The following SLX4IP variants were observed in gnomAD, a reference collection of about 807,000 sequenced individuals.
The protein encoded by SLX4IP is SLX4 interacting protein, also known as protein SLX4IP.
Under a neutral mutation model 32.9 loss-of-function variants are expected in SLX4IP, and 34 were observed. That is an observed-to-expected ratio of 1.03 (90% CI 0.79 to 1.38). The LOEUF is 1.38. Ranked by LOEUF, SLX4IP falls within the 40% of genes most tolerant of loss-of-function variation. SLX4IP has a pLI of 0.00. For missense variants in SLX4IP, 444 were observed against 479.0 expected, an observed-to-expected ratio of 0.93 and a Z score of 0.68; for synonymous variants, 172 against 171.7, an observed-to-expected ratio of 1.00 and a Z score of -0.01.
chr20:10,613,690 C>A (rs879147408), intron 6 of SLX4IP: 19 of 1,613,222 alleles, frequency 1.2e-5, no homozygotes, highest in Non-Finnish European at 1.6e-5. Context: ...TTGACAAAGG[C>A]GTTATAGGAT....
intron 2 of SLX4IP, among the ~76,000 whole-genome samples, chr20:10,495,702 A>G (rs995016859): frequency 1.3e-5 from 2 of 152,124 alleles, no homozygotes; most frequent in Non-Finnish European, 2.9e-5. Context: ...TTTTCTATGT[A>G]TATTGTTAGG....
chr20:10,507,640 G>A (rs371198934), intron 2 of SLX4IP, among the ~76,000 whole-genome samples: 6 of 152,236 alleles, frequency 3.9e-5, no homozygotes, highest in African/African-American at 1.4e-4. Flanking sequence ...GCCCAGGAAA[G>A]CAGTCAGTAT....
intron 4 of SLX4IP, among the ~76,000 whole-genome samples, chr20:10,585,085 T>G (rs1441154743): frequency 6.6e-6 from 1 of 152,190 alleles, no homozygotes; most frequent in Non-Finnish European, 1.5e-5. Flanking sequence ...TGATCTTTCT[T>G]TAATTTAATG....
At chr20:10,474,118 C>T (rs773288240) in intron 2 of SLX4IP, among the ~76,000 whole-genome samples, 25 of 152,064 alleles carry the variant, frequency 1.6e-4, no homozygotes, top group East Asian at 3.9e-4. Context: ...CCACGGTGCT[C>T]GGCCTCAGGC....
At chr20:10,506,203 CA>C (rs1161047687) in intron 2 of SLX4IP, among the ~76,000 whole-genome samples, 12 of 152,164 alleles carry the variant, frequency 7.9e-5, no homozygotes, top group Admixed American at 1.3e-4. Context: ...ATTTAGGCAG[CA>C]ATTAGAGTCT....
chr20:10,443,751 C>T (rs1379337881), intron 1 of SLX4IP, among the ~76,000 whole-genome samples: 3 of 152,112 alleles, frequency 2.0e-5, no homozygotes, highest in Non-Finnish European at 4.4e-5. Flanking sequence ...GGAGGAGGGG[C>T]CTGGTTGAAG....
Position 10,533,124 on chromosome 20 carries a change from C to T in SLX4IP, c.28-23107C>T, listed in dbSNP as rs144079633. On this transcript the variant is annotated intron_variant, in intron 2 of 7. Transcript: ENST00000334534. ...AAGGAGAAACTTCAGTATTTCAAAA[C>T]CTCTTGGGAAAACTCTCATATGAAT... Among the ~76,000 whole-genome samples the T allele has an allele frequency of 2.7e-3, 410 of 152,116 alleles. 1 individual carries two copies. Among genetic ancestry groups the T allele is most frequent in the African/African-American group, 9.4e-3 (388 of 41,496 alleles).
intron 1 of SLX4IP, among the ~76,000 whole-genome samples, chr20:10,457,473 A>C (rs1261601379): frequency 6.9e-6 from 1 of 144,440 alleles, no homozygotes; most frequent in Non-Finnish European, 1.5e-5. Flanking sequence ...GATTATGTGC[A>C]TTTTTTCTGT....
intron 2 of SLX4IP, among the ~76,000 whole-genome samples, chr20:10,466,548 G>A (rs1335343506): frequency 6.6e-6 from 1 of 152,150 alleles, no homozygotes; most frequent in African/African-American, 2.4e-5. Context: ...AGCCTGGGAA[G>A]ATTACAGAGC....
At chr20:10,558,341 CAAAA>C (rs36028561) in intron 3 of SLX4IP, among the ~76,000 whole-genome samples, 3 of 79,530 alleles carry the variant, frequency 3.8e-5, no homozygotes, top group Admixed American at 1.3e-4. Context: ...GACCCTGTCT[CAAAA>C]AAAAAAAAAA....
At chr20:10,603,301 A>G (rs2066865272) in intron 6 of SLX4IP, among the ~76,000 whole-genome samples, 1 of 152,250 alleles carries the variant, frequency 6.6e-6, no homozygotes, top group African/African-American at 2.4e-5. Flanking sequence ...AAACATCTCA[A>G]TACAAATGAA....
chr20:10,445,311 C>CTTTTTTT (rs36058168), intron 1 of SLX4IP, among the ~76,000 whole-genome samples: 1 of 90,182 alleles, frequency 1.1e-5, no homozygotes, highest in Non-Finnish European at 2.3e-5. Flanking sequence ...TTTTTTCTTT[C>CTTTTTTT]TTTTTTTTTT....
chr20:10,467,911 G>A (rs565758364), intron 2 of SLX4IP, among the ~76,000 whole-genome samples: 2 of 151,952 alleles, frequency 1.3e-5, no homozygotes, highest in African/African-American at 4.8e-5. Flanking sequence ...AGTTTTCTAG[G>A]CTTCATTTTC....
rs145890606 is a variant in SLX4IP at position 10,615,759 on chromosome 20, G to A, written c.406-5555G>A. ...TGGGAAGTCTAAGATCAAATCACCA[G>A]CAGGTTGGGGTCTGGTGAGGGTCTA... is the stretch of plus-strand genomic sequence containing the variant. On this transcript the variant is annotated intron_variant, in intron 6 of 7. Transcript: ENST00000334534. 1.6e-4 allele frequency among the ~76,000 whole-genome samples: 25 copies of A among 152,284 alleles called. 1 individual carries two copies. The East Asian group carries it at 4.8e-3, about 29-fold the overall frequency.
At chr20:10,533,262 A>T (rs570960243) in intron 2 of SLX4IP, among the ~76,000 whole-genome samples, 2 of 152,114 alleles carry the variant, frequency 1.3e-5, no homozygotes, top group Admixed American at 1.3e-4. Context: ...TTTGCAACTC[A>T]TGTCTTCTCG....
rs188079023 is a variant in SLX4IP, at chr20:10,480,491, T to G, written c.27+22260T>G. On this transcript the variant is annotated intron_variant, in intron 2 of 7. Coordinates refer to ENST00000334534, the MANE Select transcript of SLX4IP (RefSeq NM_001009608.3). ...GATGTGTACTGTAGATTATATCATATGTACAGATGGAATGATTACAATTAA... is the reference window on the plus strand; with the variant it reads ...GATGTGTACTGTAGATTATATCATAGGTACAGATGGAATGATTACAATTAA... 3.3e-5 allele frequency among the ~76,000 whole-genome samples: 5 copies of G among 152,276 alleles called. No homozygotes were observed. In the East Asian group the frequency reaches 9.7e-4, roughly 29 times the overall value.
intron 1 of SLX4IP, among the ~76,000 whole-genome samples, chr20:10,440,136 A>ATTTTTTT (rs577778324): frequency 7.0e-6 from 1 of 143,074 alleles, no homozygotes; most frequent in African/African-American, 2.5e-5. Context: ...AAAAGATTGC[A>ATTTTTTT]TTTTTTTTTT....
intron 2 of SLX4IP, among the ~76,000 whole-genome samples, chr20:10,501,566 A>C (rs1180142972): frequency 1.3e-5 from 2 of 152,210 alleles, no homozygotes; most frequent in Non-Finnish European, 2.9e-5. Context: ...TTCTGCCTCC[A>C]CAGAAGCCTC....
intron 2 of SLX4IP, 97 bp downstream of exon 2, chr20:10,458,328 C>T (rs1254657114): frequency 1.0e-5 from 13 of 1,251,762 alleles, no homozygotes; most frequent in Admixed American, 2.6e-5. Context: ...TAACTTTCTG[C>T]TTTTTACACT....
Sources: allele counts gnomAD v4.1 joint callset (sites outside exome capture counted in the v4.1 genomes callset), GRCh38; gene constraint gnomAD v4.1.1; transcripts MANE v1.5; gene names NCBI Gene and HGNC (gene_info 2026-07-23, HGNC 2026-07-21).